MAGI1: variants seen among roughly 807,000 people sequenced by gnomAD.
MAGI1 encodes the protein membrane associated guanylate kinase, WW and PDZ domain containing 1, also known as membrane-associated guanylate kinase, WW and PDZ domain-containing protein 1.
In MAGI1, 58 loss-of-function variants were observed where a neutral mutation model predicts 139.9. The observed-to-expected ratio is 0.41, with a 90% CI of 0.34 to 0.52. MAGI1 has a LOEUF of 0.52. Among genes scored for constraint, MAGI1 ranks in the 20% least tolerant of loss-of-function variants. The pLI is 0.12. For synonymous variants in MAGI1, 812 were observed against 737.9 expected, an observed-to-expected ratio of 1.10 and a Z score of -1.63; for missense variants, 1,874 against 1,901.6, an observed-to-expected ratio of 0.99 and a Z score of 0.27.
chr3:65,657,435 A>C (rs1412925625), intron 1 of MAGI1, among the ~76,000 whole-genome samples: 1 of 87,192 alleles, frequency 1.1e-5, no homozygotes, highest in African/African-American at 3.5e-5. Context: ...ATCTCTATCA[A>C]AAAAAAAAAA....
At chr3:65,669,700 C>G (rs2086740392) in intron 1 of MAGI1, among the ~76,000 whole-genome samples, 1 of 152,206 alleles carries the variant, frequency 6.6e-6, no homozygotes, top group South Asian at 2.1e-4. Context: ...CTTGATCCCA[C>G]TTGTTTAAAA....
intron 1 of MAGI1, among the ~76,000 whole-genome samples, chr3:65,638,304 C>T (rs1277368533): frequency 1.3e-5 from 2 of 152,026 alleles, no homozygotes; most frequent in Admixed American, 6.6e-5. Flanking sequence ...TTCAAATATA[C>T]CTTTCATGAA....
intron 1 of MAGI1, among the ~76,000 whole-genome samples, chr3:66,007,746 G>C (rs776421989): frequency 2.0e-5 from 3 of 152,154 alleles, no homozygotes; most frequent in African/African-American, 7.2e-5. Flanking sequence ...GCTCATAAGT[G>C]AGATGAGCCC....
chr3:65,970,333 G>T (rs2064960987), intron 1 of MAGI1, among the ~76,000 whole-genome samples: 1 of 152,072 alleles, frequency 6.6e-6, no homozygotes. Context: ...CCAGGGATCG[G>T]GGGTACCAGG....
intron 1 of MAGI1, among the ~76,000 whole-genome samples, chr3:65,853,907 C>T (rs891468512): frequency 6.6e-6 from 1 of 152,074 alleles, no homozygotes; most frequent in East Asian, 1.9e-4. Flanking sequence ...GAGTTGGAGA[C>T]TAGCCTGGCC....
intron 1 of MAGI1, among the ~76,000 whole-genome samples, chr3:65,817,909 T>G (rs2041706769): frequency 6.6e-6 from 1 of 152,222 alleles, no homozygotes; most frequent in African/African-American, 2.4e-5. Flanking sequence ...AAATTTGGAC[T>G]ACGATAATGG....
At chr3:65,770,296 C>A (rs2037844508) in intron 1 of MAGI1, among the ~76,000 whole-genome samples, 1 of 152,084 alleles carries the variant, frequency 6.6e-6, no homozygotes, top group African/African-American at 2.4e-5. Flanking sequence ...CTTTTTTCAT[C>A]AAAATTGGTC....
At chr3:65,798,695 C>A (rs540930217) in intron 1 of MAGI1, among the ~76,000 whole-genome samples, 2 of 152,138 alleles carry the variant, frequency 1.3e-5, no homozygotes, top group African/African-American at 4.8e-5. Flanking sequence ...CTACAGTAGT[C>A]CCCCCATTAT....
chr3:65,845,370 GA>G (rs1347109697), intron 1 of MAGI1, among the ~76,000 whole-genome samples: 3 of 152,016 alleles, frequency 2.0e-5, no homozygotes, highest in Non-Finnish European at 2.9e-5. Flanking sequence ...CTTGCTATCT[GA>G]CCATCACTTA....
intron 2 of MAGI1, among the ~76,000 whole-genome samples, chr3:65,569,202 T>C (rs943548001): frequency 2.0e-5 from 3 of 152,208 alleles, no homozygotes; most frequent in Admixed American, 1.3e-4. Context: ...TATTGCATGA[T>C]TCCTCTTATA....
intron 1 of MAGI1, among the ~76,000 whole-genome samples, chr3:65,773,843 C>T (rs184924149): frequency 5.7e-4 from 87 of 151,954 alleles, no homozygotes; most frequent in Admixed American, 2.0e-3. Context: ...TTTTTTAATT[C>T]GATATAAAGA....
At chr3:65,388,423 T>C (rs1943619903) in intron 14 of MAGI1, among the ~76,000 whole-genome samples, 1 of 151,946 alleles carries the variant, frequency 6.6e-6, no homozygotes, top group Non-Finnish European at 1.5e-5. Flanking sequence ...TTTACTGTCT[T>C]GGGGGGAGGG....
intron 1 of MAGI1, among the ~76,000 whole-genome samples, chr3:65,636,714 A>ACACACACT (rs1196219135): frequency 6.6e-6 from 1 of 150,968 alleles, no homozygotes; most frequent in Admixed American, 6.6e-5. Context: ...ACACACACAC[A>ACACACACT]CACACACACA....
At chr3:65,775,046 C>G (rs1220359230) in intron 1 of MAGI1, among the ~76,000 whole-genome samples, 1 of 152,146 alleles carries the variant, frequency 6.6e-6, no homozygotes, top group Non-Finnish European at 1.5e-5. Context: ...TTATTATCAT[C>G]ATCATTCTTA....
intron 1 of MAGI1, among the ~76,000 whole-genome samples, chr3:65,976,285 G>A (rs7426440): frequency 0.13 from 19,329 of 152,106 alleles, 1,492 homozygotes; most frequent in East Asian, 0.26. Flanking sequence ...TTTTTTAAAC[G>A]GAGTGGGATG....
intron 1 of MAGI1, among the ~76,000 whole-genome samples, chr3:65,681,485 C>A (rs1046769292): frequency 4.6e-5 from 7 of 152,182 alleles, no homozygotes; most frequent in South Asian, 2.1e-4. Flanking sequence ...AAGAAAAAAG[C>A]ACTTCATATG....
At chr3:65,958,477 T>C (rs1444359194) in intron 1 of MAGI1, among the ~76,000 whole-genome samples, 1 of 152,208 alleles carries the variant, frequency 6.6e-6, no homozygotes, top group African/African-American at 2.4e-5. Context: ...GACAAAGTCA[T>C]TTCATGCCTT....
chr3:65,359,622 TTAACA>T, intron 22 of MAGI1: 1 of 994,742 alleles, frequency 1.0e-6, no homozygotes, highest in Non-Finnish European at 1.2e-6. Context: ...ATATTGGAAC[TTAACA>T]TATTATAACC....
At chr3:65,794,369 T>C (rs1229553533) in intron 1 of MAGI1, among the ~76,000 whole-genome samples, 2 of 152,128 alleles carry the variant, frequency 1.3e-5, no homozygotes, top group East Asian at 3.9e-4. Context: ...AGGCATTTGG[T>C]CCTTCTGAGG....
Sources: gnomAD v4.1 joint callset for allele counts (sites outside exome capture counted in the v4.1 genomes callset) on GRCh38, gnomAD v4.1.1 for gene constraint, MANE v1.5 for transcripts, NCBI Gene and HGNC (gene_info 2026-07-23, HGNC 2026-07-21) for gene names.